JMJD1C: variants seen among roughly 807,000 people sequenced by gnomAD.
JMJD1C encodes the protein jumonji domain containing 1C, also known as jumonji domain-containing protein 1C.
Under a neutral mutation model 245.3 loss-of-function variants are expected in JMJD1C, and 31 were observed. The ratio of observed to expected loss-of-function variants is 0.13; its 90% confidence interval spans 0.09 to 0.17. The LOEUF is 0.17. JMJD1C is among the 10% of genes least tolerant of loss of function. The probability of loss-of-function intolerance (pLI) is 1.00; values close to 1 mark genes in which losing one functional copy is unlikely to be tolerated. For synonymous variants in JMJD1C, 1,057 were observed against 1,017.4 expected, an observed-to-expected ratio of 1.04 and a Z score of -0.74; for missense variants, 2,691 against 3,000.2, an observed-to-expected ratio of 0.90 and a Z score of 2.41.
intron 1 of JMJD1C, chr10:63,427,695 C>T: frequency 1.5e-6 from 2 of 1,314,408 alleles, no homozygotes; most frequent in South Asian, 2.4e-5. Context: ...CCTGGGTCTC[C>T]TCTAGCTTAT....
chr10:63,482,644 G>GA (rs984191460), intron 1 of JMJD1C, among the ~76,000 whole-genome samples: 3 of 150,328 alleles, frequency 2.0e-5, no homozygotes, highest in African/African-American at 4.9e-5. Context: ...TCAAAAAAAA[G>GA]AAAAAAAAGA....
At chr10:63,358,411 T>A (rs1945045633) in intron 2 of JMJD1C, among the ~76,000 whole-genome samples, 1 of 147,158 alleles carries the variant, frequency 6.8e-6, no homozygotes, top group African/African-American at 2.5e-5. Flanking sequence ...AAAAAAAAAA[T>A]CTGAAGATAG....
At chr10:63,376,367 A>G (rs956572705) in intron 2 of JMJD1C, among the ~76,000 whole-genome samples, 10 of 152,192 alleles carry the variant, frequency 6.6e-5, no homozygotes, top group African/African-American at 9.7e-5. Context: ...TGGATTTGGC[A>G]ATTTTTTTTT....
At position 63,348,860 on chromosome 10, in the gene JMJD1C, G is replaced by A. The variant is rs12241831; in HGVS notation, c.333+31458C>T. 5.3e-3 allele frequency among the ~76,000 whole-genome samples: 806 copies of A among 152,158 alleles called. 8 individuals carry two copies. The highest frequency in any genetic ancestry group is 0.018 in the African/African-American group (746 of 41,520). On this transcript the variant is annotated intron_variant, in intron 2 of 25. Coordinates refer to ENST00000399262, the MANE Select transcript of JMJD1C (RefSeq NM_032776.3). Reference sequence around the variant, plus strand: ...TCATGCCTGTAATCCCAGCACTTTGGGAGGCCAAGGCGGGTGGATCACCTC... The same window carrying A: ...TCATGCCTGTAATCCCAGCACTTTGAGAGGCCAAGGCGGGTGGATCACCTC...
intron 1 of JMJD1C, among the ~76,000 whole-genome samples, chr10:63,495,940 C>A (rs1426011936): frequency 6.6e-6 from 1 of 150,906 alleles, no homozygotes; most frequent in Admixed American, 6.6e-5. Context: ...ATCTTTCAAC[C>A]CTTAATGGAT....
intron 3 of JMJD1C, among the ~76,000 whole-genome samples, chr10:63,231,825 T>C (rs574021798): frequency 2.0e-5 from 3 of 151,984 alleles, no homozygotes; most frequent in African/African-American, 4.8e-5. Flanking sequence ...AACAAGAAAA[T>C]AGACTATCTC....
intron 2 of JMJD1C, among the ~76,000 whole-genome samples, chr10:63,363,249 A>C (rs985951698): frequency 7.4e-6 from 1 of 134,572 alleles, no homozygotes; most frequent in East Asian, 2.0e-4. Flanking sequence ...TCTTCATACA[A>C]TTCTTTTTTT....
intron 1 of JMJD1C, among the ~76,000 whole-genome samples, chr10:63,442,464 A>C (rs1951447368): frequency 6.6e-6 from 1 of 152,242 alleles, no homozygotes; most frequent in Non-Finnish European, 1.5e-5. Flanking sequence ...TAAAAAGAAG[A>C]GACTTAGGTC....
chr10:63,194,190 C>A (rs1245111519), intron 14 of JMJD1C, 96 bp downstream of exon 14: 1 of 798,206 alleles, frequency 1.3e-6, no homozygotes, highest in East Asian at 2.5e-5. Flanking sequence ...AGTTAAATCT[C>A]TCTCCACCCT....
intron 1 of JMJD1C, among the ~76,000 whole-genome samples, chr10:63,433,581 CTTTTCTTTTT>C (rs1403079296): frequency 7.1e-6 from 1 of 140,190 alleles, no homozygotes; most frequent in African/African-American, 2.6e-5. Context: ...CTTTTCTTTT[CTTTTCTTTTT>C]TTTTTTTTTT....
intron 20 of JMJD1C, among the ~76,000 whole-genome samples, chr10:63,185,257 A>T (rs1843992894): frequency 1.3e-5 from 2 of 152,280 alleles, no homozygotes; most frequent in Admixed American, 6.5e-5. Context: ...CAGCCACGCA[A>T]GTAGCTGGGA....
chr10:63,358,047 G>C (rs1945013254), intron 2 of JMJD1C, among the ~76,000 whole-genome samples: 1 of 151,862 alleles, frequency 6.6e-6, no homozygotes, highest in African/African-American at 2.4e-5. Flanking sequence ...TATTTAAATG[G>C]CTTGCTGTTC....
intron 2 of JMJD1C, among the ~76,000 whole-genome samples, chr10:63,336,366 G>A (rs1389576656): frequency 3.3e-5 from 5 of 152,086 alleles, no homozygotes; most frequent in African/African-American, 1.2e-4. Flanking sequence ...GCTGACGCAG[G>A]AGAACTGCTT....
At chr10:63,239,571 A>G (rs559814069) in intron 3 of JMJD1C, among the ~76,000 whole-genome samples, 1 of 152,114 alleles carries the variant, frequency 6.6e-6, no homozygotes, top group Non-Finnish European at 1.5e-5. Flanking sequence ...CAGCCTCCTG[A>G]GTAGCTGGGA....
upstream of JMJD1C, among the ~76,000 whole-genome samples, chr10:63,469,663 T>C (rs980287113): frequency 5.3e-5 from 8 of 152,218 alleles, no homozygotes; most frequent in Non-Finnish European, 4.4e-5. Flanking sequence ...GAACTATCAA[T>C]AGAATTTCAT....
chr10:63,417,415 C>T (rs193013634), intron 1 of JMJD1C, among the ~76,000 whole-genome samples: 24 of 152,244 alleles, frequency 1.6e-4, no homozygotes, highest in Admixed American at 1.3e-3. Flanking sequence ...TATATTATGG[C>T]TATAAAGTGA....
intron 2 of JMJD1C, among the ~76,000 whole-genome samples, chr10:63,344,720 A>C (rs1445688862): frequency 6.6e-6 from 1 of 151,650 alleles, no homozygotes; most frequent in Non-Finnish European, 1.5e-5. Flanking sequence ...AAATGATTTA[A>C]ACAAGCATGT....
At chr10:63,171,644 T>C (rs1282411647) in intron 24 of JMJD1C, among the ~76,000 whole-genome samples, 1 of 152,196 alleles carries the variant, frequency 6.6e-6, no homozygotes, top group Non-Finnish European at 1.5e-5. Flanking sequence ...AATCAGCATT[T>C]CCTGGAAACT....
rs1174105314 is a variant in JMJD1C at position 63,215,471 on chromosome 10, T to G, written c.823-16A>C. The G allele has an allele frequency of 2.5e-6, 4 of 1,613,740 alleles. No individual in the cohort carries two copies. In the Admixed American group the frequency reaches 6.7e-5, roughly 27 times the overall value. ...TATAATGGCTCTAAAAATAACCAAT[T>G]AACAGTAATTGTTTACTACCTGGTT... is the stretch of plus-strand genomic sequence containing the variant. On this transcript the variant is annotated splice_polypyrimidine_tract_variant and intron_variant, in intron 6 of 25. Coordinates refer to ENST00000399262, the MANE Select transcript of JMJD1C (RefSeq NM_032776.3).
Sources: gnomAD v4.1 joint callset for allele counts (sites outside exome capture counted in the v4.1 genomes callset) on GRCh38, gnomAD v4.1.1 for gene constraint, MANE v1.5 for transcripts, NCBI Gene and HGNC (gene_info 2026-07-23, HGNC 2026-07-21) for gene names.